The following GNL3 variants were observed in gnomAD, a reference collection of about 807,000 sequenced individuals.
The protein encoded by GNL3 is guanine nucleotide-binding protein-like 3.
A neutral mutation model predicts 70.6 loss-of-function variants in GNL3; 77 were observed. The observed-to-expected ratio is 1.09, with a 90% confidence interval of 0.91 to 1.32. The LOEUF is 1.32. GNL3 is among the 40% of genes most tolerant of loss of function. The pLI is 0.00. For missense variants in GNL3, 634 were observed against 644.0 expected (o/e 0.98, Z 0.17); for synonymous variants, 252 against 216.1 (o/e 1.17, Z -1.46).
Position 52,687,517 on chromosome 3 carries a change from C to T in GNL3, c.226C>T (p.Gln76Ter). The part of the protein sequence containing the change: ...LRKQRLEELK[Q>*]QQKLDRQKEL... Reference sequence around the variant, plus strand: ...GCTCTGACAGCTTGAAGAACTAAAACAGCAGCAGAAACTTGACAGGCAGAA... The same window carrying T: ...GCTCTGACAGCTTGAAGAACTAAAATAGCAGCAGAAACTTGACAGGCAGAA... Residue 76 changes from glutamine (Q) to a stop codon, truncating the protein, a stop_gained, in exon 4 of 15, where the codon CAG (glutamine) becomes TAG (stop). Transcript: ENST00000418458. LOFTEE classifies it high-confidence loss of function. 1 of 1,612,942 alleles carries T rather than the reference C, an allele frequency of 6.2e-7. No homozygotes were observed. Among genetic ancestry groups the T allele is most frequent in the Non-Finnish European group, 8.5e-7 (1 of 1,178,926 alleles).
Position 52,693,462 on chromosome 3 carries a change from T to C in GNL3, c.1242T>C (p.Tyr414=). The part of the protein sequence containing the change: ...HPPTSWTPPP[Y]FNESIVVDMK... ...CTACATCTTGGACTCCTCCTCCATA[T>C]TTTAATGAGAGTATTGTGGTAGACA... The change falls in exon 12 of 15, where the codon TAT becomes TAC. Residue 414 remains tyrosine, a synonymous_variant. Coordinates refer to ENST00000418458, the MANE Select transcript of GNL3 (RefSeq NM_014366.5). 6.2e-7 allele frequency: 1 copy of C among 1,614,100 alleles called. No individual in the cohort carries two copies. The highest frequency in any genetic ancestry group is 2.2e-5 in the East Asian group (1 of 44,886).
chr3:52,691,056 C>T lies in GNL3; in HGVS notation c.766C>T (p.Arg256Trp), dbSNP rs903502136. ...GFQETCSKAIRVGVIGFPNVG... is the reference protein window; with the variant it reads ...GFQETCSKAIWVGVIGFPNVG... ...TCAGGAAACTTGCAGCAAAGCCATT[C>T]GGGTTGGAGTAATTGGTGAGTTTCA... The change falls in exon 8 of 15, where the codon CGG becomes TGG. Residue 256 changes from arginine (R) to tryptophan (W), a missense_variant. Physicochemically the swap from Arg to Trp is moderately radical, Grantham distance 101 (BLOSUM62 -3). Transcript: ENST00000418458. 11 of 1,613,786 alleles carry T rather than the reference C, an allele frequency of 6.8e-6. No individual in the cohort carries two copies. The highest frequency in any genetic ancestry group is 4.5e-5 in the East Asian group (2 of 44,876).
In GNL3 at chr3:52,693,488, T is replaced by A. The variant is rs199790197; in HGVS notation, c.1268T>A (p.Met423Lys). The A allele has an allele frequency of 3.4e-4, 541 of 1,614,022 alleles. 1 individual carries two copies. The highest frequency in any genetic ancestry group is 4.4e-4 in the Non-Finnish European group (520 of 1,180,008). ...PYFNESIVVD[M>K]KSGFNLEELE... ...TTTAATGAGAGTATTGTGGTAGACA[T>A]GAAAAGCGGCTTCAATCTGGAAGAA... The change falls in exon 12 of 15, where the codon ATG (methionine) becomes AAG (lysine). Residue 423 changes from methionine to lysine, a missense_variant. Coordinates refer to ENST00000418458, the MANE Select transcript of GNL3 (RefSeq NM_014366.5).
Position 52,691,586 on chromosome 3 carries a change from C to A in GNL3, c.826C>A (p.Gln276Lys). The change falls in exon 9 of 15, where the codon CAA (glutamine) becomes AAA (lysine). Residue 276 changes from glutamine to lysine, a missense_variant. Gln to Lys is a moderately conservative substitution (Grantham distance 53). Coordinates refer to ENST00000418458, the MANE Select transcript of GNL3 (RefSeq NM_014366.5). The part of the protein sequence containing the change: ...GKSSIINSLK[Q>K]EQMCNVGVSM... ...AAGCAGCATTATCAATAGCTTAAAA[C>A]AAGAACAGATGTGTAATGTTGGTGT... 1 of 1,601,802 alleles carries A rather than the reference C, an allele frequency of 6.2e-7. No homozygotes were observed. Among genetic ancestry groups the A allele is most frequent in the Non-Finnish European group, 8.5e-7 (1 of 1,170,072 alleles).
intron 6 of GNL3, among the ~76,000 whole-genome samples, chr3:52,690,045 A>C (rs755836464): frequency 1.3e-5 from 2 of 152,204 alleles, no homozygotes; most frequent in Non-Finnish European, 2.9e-5. Context: ...TCTGTCCTGA[A>C]GTTTTCAAGT....
chr3:52,693,942 A>T, intron 13 of GNL3, 95 bp from the exon 14 acceptor site: 1 of 1,295,968 alleles, frequency 7.7e-7, no homozygotes. Context: ...CGTTATATGT[A>T]CCTCCAAAGA....
chr3:52,688,749 C>T, intron 5 of GNL3: 1 of 337,128 alleles, frequency 3.0e-6, no homozygotes. Flanking sequence ...CTGACTGCCC[C>T]TCAGCAGCTT....
chr3:52,691,122 A>C, intron 8 of GNL3, 51 bp downstream of exon 8: 1 of 1,541,210 alleles, frequency 6.5e-7, no homozygotes, highest in Non-Finnish European at 9.0e-7. Flanking sequence ...AATAGTTAAG[A>C]AGTTTAGCCA....
At chr3:52,691,692 A>G in intron 9 of GNL3, 63 bp downstream of exon 9, 1 of 905,096 alleles carries the variant, frequency 1.1e-6, no homozygotes, top group Non-Finnish European at 1.8e-6. Flanking sequence ...TGGTTATCTC[A>G]AGGAAGGTGA....
At chr3:52,685,997 G>A (rs950701290), upstream of GNL3, 10 of 774,486 alleles carry the variant, frequency 1.3e-5, no homozygotes, top group African/African-American at 3.4e-5. Flanking sequence ...ACTTTACGGC[G>A]GCAGCGTAAG....
chr3:52,692,369 A>ACTT (rs71087009), intron 9 of GNL3, among the ~76,000 whole-genome samples: 33 of 126,426 alleles, frequency 2.6e-4, no homozygotes, highest in Admixed American at 5.4e-4. Flanking sequence ...CAACTTTTAG[A>ACTT]TTTTTTTTTT....
In GNL3 at chr3:52,693,030, A is replaced by C; in HGVS notation, c.1028A>C (p.Gln343Pro). The C allele has an allele frequency of 6.2e-7, 1 of 1,614,190 alleles. No homozygotes were observed. The highest frequency in any genetic ancestry group is 8.5e-7 in the Non-Finnish European group (1 of 1,179,998). The stretch of plus-strand genomic sequence containing the variant: ...GAGGCTGCCAGTGCCATCCTTTCCC[A>C]GGCTGATGCTCGACAGGTAAAAGGA... ...PMEAASAILS[Q>P]ADARQVVLKY... The change falls in exon 10 of 15, where the codon CAG becomes CCG. Residue 343 changes from glutamine to proline, a missense_variant. Physicochemically the swap from Gln to Pro is moderately conservative, Grantham distance 76. Coordinates refer to ENST00000418458, the MANE Select transcript of GNL3 (RefSeq NM_014366.5).
rs1410810946 is a variant in GNL3, at chr3:52,693,754, G to A, written c.1447G>A (p.Glu483Lys). The A allele has an allele frequency of 6.2e-7, 1 of 1,613,436 alleles. No homozygotes were observed. Among genetic ancestry groups the A allele is most frequent in the Non-Finnish European group, 8.5e-7 (1 of 1,179,966 alleles). The change falls in exon 13 of 15, where the codon GAG (glutamate) becomes AAG (lysine). Residue 483 changes from glutamate (E) to lysine (K), a missense_variant. Physicochemically the swap from Glu to Lys is moderately conservative, Grantham distance 56. Coordinates refer to ENST00000418458, the MANE Select transcript of GNL3 (RefSeq NM_014366.5). The stretch of plus-strand genomic sequence containing the variant: ...AAAACGGAAAGAAAGGAAGCAGGAG[G>A]AGAGGGAGGATGACAAAGACAGTGA... ...LPKRKERKQE[E>K]REDDKDSDQE...
chr3:52,690,886 G>C (rs2097326579), intron 7 of GNL3, 59 bp from the exon 8 acceptor site: 1 of 1,564,616 alleles, frequency 6.4e-7, no homozygotes. Flanking sequence ...TGATTGCTTG[G>C]GGTTTGTTGA....
intron 9 of GNL3, 58 bp downstream of exon 9, chr3:52,691,687 A>G (rs1357775684): frequency 3.3e-6 from 3 of 909,594 alleles, no homozygotes; most frequent in Non-Finnish European, 5.3e-6. Flanking sequence ...TATTTTGGTT[A>G]TCTCAAGGAA....
At position 52,693,702 on chromosome 3, in the gene GNL3, A is replaced by G; in HGVS notation, c.1395A>G (p.Glu465=). The G allele has an allele frequency of 6.2e-7, 1 of 1,614,104 alleles. No individual in the cohort carries two copies. The highest frequency in any genetic ancestry group is 8.5e-7 in the Non-Finnish European group (1 of 1,179,936). The change falls in exon 13 of 15, where the codon GAA becomes GAG. Residue 465 remains glutamate, a synonymous_variant. Coordinates refer to ENST00000418458, the MANE Select transcript of GNL3 (RefSeq NM_014366.5). ...CCGGTCTGACAAATGGAATAATAGA[A>G]GAAAAGGACATACATGAAGAATTGC... ...QSSGLTNGII[E]EKDIHEELPK... is the part of the protein sequence containing the mutation.
At chr3:52,691,737 C>A in intron 9 of GNL3, 108 bp downstream of exon 9, 1 of 653,608 alleles carries the variant, frequency 1.5e-6, no homozygotes, top group Non-Finnish European at 2.7e-6. Context: ...CAGTTTCACT[C>A]TTGTTCCCAG....
At chr3:52,691,475 G>A in intron 8 of GNL3, 67 bp from the exon 9 acceptor site, 1 of 900,686 alleles carries the variant, frequency 1.1e-6, no homozygotes, top group Admixed American at 1.8e-5. Flanking sequence ...GGAAAATTAG[G>A]CAGTGAAAAT....
At chr3:52,693,609 C>T in intron 12 of GNL3, 23 bp from the exon 13 acceptor site, 1 of 1,613,866 alleles carries the variant, frequency 6.2e-7, no homozygotes, top group South Asian at 1.1e-5. Flanking sequence ...TACCTGTTTA[C>T]ATGGGCTTGC....
Sources: gnomAD v4.1 joint callset for allele counts (sites outside exome capture counted in the v4.1 genomes callset) on GRCh38, gnomAD v4.1.1 for gene constraint, MANE v1.5 for transcripts, NCBI Gene and HGNC (gene_info 2026-07-23, HGNC 2026-07-21) for gene names.